UNC13C: variants seen among roughly 807,000 people sequenced by gnomAD.
UNC13C encodes unc-13 homolog C, also known as protein unc-13 homolog C.
A neutral mutation model predicts 245.4 loss-of-function variants in UNC13C; 174 were observed. The ratio of observed to expected loss-of-function variants is 0.71; its 90% CI spans 0.63 to 0.80. The LOEUF (loss-of-function observed/expected upper bound fraction) is 0.80. Ranked by LOEUF, UNC13C falls within the 30% of genes least tolerant of loss-of-function variation. The pLI, the probability that UNC13C is intolerant of heterozygous loss-of-function variation, is 0.00. For synonymous variants in UNC13C, 992 were observed against 895.1 expected, an observed-to-expected ratio of 1.11 and a Z score of -1.93; for missense variants, 2,829 against 2,602.9, an observed-to-expected ratio of 1.09 and a Z score of -1.89.
At chr15:54,019,502 C>T (rs772603755) in intron 2 of UNC13C, among the ~76,000 whole-genome samples, 10 of 152,172 alleles carry the variant, frequency 6.6e-5, no homozygotes, top group Non-Finnish European at 1.3e-4. Context: ...GCAATAAATA[C>T]TGTACTATAA....
chr15:54,109,333 T>C (rs1900642149), intron 2 of UNC13C, among the ~76,000 whole-genome samples: 1 of 34,036 alleles, frequency 2.9e-5, no homozygotes, highest in African/African-American at 1.0e-4. Flanking sequence ...TCCTTTCCTT[T>C]TTTTCTTTCT....
chr15:54,555,184 T>C (rs1897037854), intron 28 of UNC13C, among the ~76,000 whole-genome samples: 1 of 152,040 alleles, frequency 6.6e-6, no homozygotes, highest in African/African-American at 2.4e-5. Flanking sequence ...AACATTAGTT[T>C]GCAAGTGAAA....
chr15:54,110,243 T>A (rs1358149747), intron 2 of UNC13C, among the ~76,000 whole-genome samples: 1 of 150,958 alleles, frequency 6.6e-6, no homozygotes, highest in Admixed American at 6.6e-5. Context: ...TTGTGCCAAC[T>A]GCACTCCAGC....
At chr15:54,524,360 T>G (rs58756936) in intron 24 of UNC13C, among the ~76,000 whole-genome samples, 4,302 of 152,180 alleles carry the variant, frequency 0.028, 174 homozygotes, top group African/African-American at 0.095. Flanking sequence ...TCCAGAAAAA[T>G]CACATTGCCT....
chr15:53,997,542 A>G (rs1180437267), intron 1 of UNC13C, among the ~76,000 whole-genome samples: 1 of 152,156 alleles, frequency 6.6e-6, no homozygotes, highest in Non-Finnish European at 1.5e-5. Context: ...AGTTCAGCTG[A>G]AATTAATTCT....
intron 2 of UNC13C, among the ~76,000 whole-genome samples, chr15:54,104,814 C>A (rs965959113): frequency 2.6e-5 from 4 of 151,980 alleles, no homozygotes; most frequent in African/African-American, 7.3e-5. Context: ...GTTTTGTAAT[C>A]CTTATCTCTT....
intron 4 of UNC13C, among the ~76,000 whole-genome samples, chr15:54,214,540 C>A (rs2034981839): frequency 6.6e-6 from 1 of 151,854 alleles, no homozygotes. Context: ...TCAGGTACTG[C>A]TAATTTTCAT....
At chr15:54,497,768 C>T (rs1012208447) in intron 20 of UNC13C, among the ~76,000 whole-genome samples, 2 of 151,994 alleles carry the variant, frequency 1.3e-5, no homozygotes, top group African/African-American at 4.8e-5. Context: ...GATTTTTATA[C>T]TTTTTATAAA....
chr15:54,633,232 AAAC>A (rs1209347108), downstream of UNC13C: 1 of 152,170 alleles, frequency 6.6e-6, no homozygotes, highest in African/African-American at 2.4e-5. Context: ...ACCAATTTAC[AAAC>A]AACCGATGTC....
intron 14 of UNC13C, among the ~76,000 whole-genome samples, chr15:54,330,316 A>C (rs1003490770): frequency 2.0e-5 from 3 of 152,090 alleles, no homozygotes; most frequent in Non-Finnish European, 4.4e-5. Context: ...TAAGCTGTCT[A>C]CATCTCATTG....
chr15:54,385,688 A>C (rs1264557633), intron 17 of UNC13C, among the ~76,000 whole-genome samples: 1 of 152,084 alleles, frequency 6.6e-6, no homozygotes, highest in Admixed American at 6.6e-5. Flanking sequence ...GCACATTTCA[A>C]AGTAATTGGA....
At chr15:54,255,485 C>T (rs988515526) in intron 8 of UNC13C, among the ~76,000 whole-genome samples, 8 of 152,162 alleles carry the variant, frequency 5.3e-5, no homozygotes, top group Non-Finnish European at 1.0e-4. Context: ...TTCCACTCGG[C>T]ATGCTCCCAT....
intron 2 of UNC13C, among the ~76,000 whole-genome samples, chr15:54,101,534 A>G (rs913805905): frequency 2.6e-5 from 4 of 152,158 alleles, no homozygotes; most frequent in African/African-American, 9.7e-5. Context: ...CTTCAGGTCA[A>G]GTGTTGGAGA....
the UNC13C span, among the ~76,000 whole-genome samples, chr15:53,967,269 G>A: frequency 6.6e-6 from 1 of 151,834 alleles, no homozygotes; most frequent in African/African-American, 2.4e-5. Flanking sequence ...TATGGATTTT[G>A]AATGTGTTTT....
At chr15:53,920,179 G>A in the UNC13C span, among the ~76,000 whole-genome samples, 47 of 152,074 alleles carry the variant, frequency 3.1e-4, no homozygotes, top group Admixed American at 3.0e-3. Flanking sequence ...TGGATATTAA[G>A]GTTGTTTCTA....
the UNC13C span, among the ~76,000 whole-genome samples, chr15:53,846,088 G>A: frequency 6.6e-6 from 1 of 152,128 alleles, no homozygotes; most frequent in Non-Finnish European, 1.5e-5. Context: ...TTGCCCAATT[G>A]TAGGCTAATA....
chr15:53,976,682 A>G (rs1326649149), upstream of UNC13C: 1 of 151,940 alleles, frequency 6.6e-6, no homozygotes, highest in African/African-American at 2.4e-5. Context: ...GGTTAGAATC[A>G]TCTTTCATTT....
intron 1 of UNC13C, among the ~76,000 whole-genome samples, chr15:53,989,871 C>T (rs1894306954): frequency 6.6e-6 from 1 of 152,010 alleles, no homozygotes; most frequent in South Asian, 2.1e-4. Flanking sequence ...AATAGTTCGG[C>T]ATCTCAGAGT....
intron 4 of UNC13C, among the ~76,000 whole-genome samples, chr15:54,214,850 C>G (rs1377366668): frequency 6.6e-6 from 1 of 151,918 alleles, no homozygotes; most frequent in African/African-American, 2.4e-5. Context: ...TTCATATTTA[C>G]TACAGCTTTG....
Sources: gnomAD v4.1 joint callset for allele counts (sites outside exome capture counted in the v4.1 genomes callset) on GRCh38, gnomAD v4.1.1 for gene constraint, MANE v1.5 for transcripts, NCBI Gene and HGNC (gene_info 2026-07-23, HGNC 2026-07-21) for gene names.